The following TSC22D1 variants were observed in gnomAD, a reference collection of about 807,000 sequenced individuals.
The protein encoded by TSC22D1 is TSC22 domain family member 1, also known as TSC22 domain family protein 1.
Under a neutral mutation model 74.2 loss-of-function variants are expected in TSC22D1, and 9 were observed. The ratio of observed to expected loss-of-function variants is 0.12; its 90% CI spans 0.07 to 0.21. TSC22D1 has a LOEUF of 0.21. Ranked by LOEUF, TSC22D1 falls within the 10% of genes least tolerant of loss-of-function variation. TSC22D1 has a pLI of 1.00. For synonymous variants in TSC22D1, 586 were observed against 492.5 expected (o/e 1.19, Z -2.51); for missense variants, 1,427 against 1,304.7 (o/e 1.09, Z -1.44).
At chr13:44,467,185 A>G (rs1377204640) in intron 1 of TSC22D1, among the ~76,000 whole-genome samples, 1 of 152,072 alleles carries the variant, frequency 6.6e-6, no homozygotes. Flanking sequence ...AAACAAAAAA[A>G]AATAGCTGCT....
chr13:44,536,888 C>G (rs756497517), intron 1 of TSC22D1: 4 of 959,790 alleles, frequency 4.2e-6, no homozygotes, highest in Non-Finnish European at 4.9e-6. Flanking sequence ...GTGACCCCCA[C>G]GAAGAATCAC....
rs764675493 is a variant in TSC22D1 at position 44,574,318 on chromosome 13, CCAACCA to C, written c.1751_1756del (p.Val584_Val585del). 1 of 1,614,134 alleles carries C rather than the reference CCAACCA, an allele frequency of 6.2e-7. No homozygotes were observed. Among genetic ancestry groups the C allele is most frequent in the African/African-American group, 1.3e-5 (1 of 74,944 alleles). ...CTGCTGACCTAAAGCTGAAGTTACACCAACCACATTTACAGGCGATGGCTGGATACC... is the reference window on the plus strand; with the variant it reads ...CTGCTGACCTAAAGCTGAAGTTACACCATTTACAGGCGATGGCTGGATACC... On this transcript the variant is annotated inframe_deletion, in exon 1 of 3. Coordinates refer to ENST00000458659, the MANE Select transcript of TSC22D1 (RefSeq NM_183422.4).
At chr13:44,544,101 A>G (rs1252488351) in intron 1 of TSC22D1, among the ~76,000 whole-genome samples, 1 of 152,168 alleles carries the variant, frequency 6.6e-6, no homozygotes, top group Non-Finnish European at 1.5e-5. Flanking sequence ...TCAAAAAATA[A>G]AAAATAAAAA....
chr13:44,560,939 A>G (rs932605552), intron 1 of TSC22D1, among the ~76,000 whole-genome samples: 12 of 152,174 alleles, frequency 7.9e-5, no homozygotes, highest in African/African-American at 2.7e-4. Context: ...ATGCCTCAGA[A>G]TCCCATTTCT....
chr13:44,497,195 T>C (rs1322772560), intron 1 of TSC22D1, among the ~76,000 whole-genome samples: 1 of 152,142 alleles, frequency 6.6e-6, no homozygotes, highest in African/African-American at 2.4e-5. Flanking sequence ...GGTAAATATA[T>C]ACATGAAATA....
intron 1 of TSC22D1, among the ~76,000 whole-genome samples, chr13:44,490,986 G>A (rs1878683645): frequency 6.6e-6 from 1 of 151,064 alleles, no homozygotes; most frequent in African/African-American, 2.4e-5. Context: ...CTACATTAAA[G>A]TTAAGAACTT....
chr13:44,539,383 T>A (rs912376123), intron 1 of TSC22D1: 2 of 985,228 alleles, frequency 2.0e-6, no homozygotes, highest in Non-Finnish European at 1.2e-6. Flanking sequence ...ACTGTATAAA[T>A]TAGACTTCAA....
At chr13:44,499,208 A>T (rs1377099895) in intron 1 of TSC22D1, among the ~76,000 whole-genome samples, 1 of 152,206 alleles carries the variant, frequency 6.6e-6, no homozygotes, top group East Asian at 1.9e-4. Context: ...GGTTGGCATT[A>T]GATAATATGC....
intron 1 of TSC22D1, among the ~76,000 whole-genome samples, chr13:44,439,424 A>G (rs1366871087): frequency 6.6e-6 from 1 of 152,272 alleles, no homozygotes. Context: ...GGCAAAGGAA[A>G]TGGAAAGCTC....
chr13:44,545,616 T>C (rs191588974), intron 1 of TSC22D1, among the ~76,000 whole-genome samples: 263 of 151,328 alleles, frequency 1.7e-3, no homozygotes, highest in Non-Finnish European at 1.5e-3. Context: ...CTTCCTACTG[T>C]ATTTTTTCAT....
chr13:44,494,325 G>A (rs9595138), intron 1 of TSC22D1, among the ~76,000 whole-genome samples: 52,408 of 134,490 alleles, frequency 0.39, 9,548 homozygotes, highest in Admixed American at 0.43. Context: ...GCAGTGAGCC[G>A]AGATCACACC....
intron 1 of TSC22D1, among the ~76,000 whole-genome samples, chr13:44,503,541 T>C (rs1038463889): frequency 6.6e-6 from 1 of 152,202 alleles, no homozygotes; most frequent in Non-Finnish European, 1.5e-5. Context: ...GATTTGTAAA[T>C]CATCCAGTTG....
intron 1 of TSC22D1, among the ~76,000 whole-genome samples, chr13:44,499,036 A>T (rs1243575059): frequency 6.6e-6 from 1 of 152,242 alleles, no homozygotes; most frequent in Non-Finnish European, 1.5e-5. Flanking sequence ...GAAAATTTTT[A>T]AAAACCTTAA....
intron 1 of TSC22D1, chr13:44,537,687 G>C: frequency 1.0e-6 from 1 of 984,578 alleles, no homozygotes; most frequent in African/African-American, 1.7e-5. Flanking sequence ...AATCACTTAT[G>C]GGAATTCAAA....
rs9562559 is a variant in TSC22D1, at chr13:44,576,220, C to G, written c.-146G>C. On this transcript the variant is annotated 5_prime_UTR_variant, in exon 1 of 3. Coordinates refer to ENST00000458659, the MANE Select transcript of TSC22D1 (RefSeq NM_183422.4). ...TTCTCCTCCTCCTCAGCCAAAGGCGCCGGTCGCTCCTGCCTTCGAGAGCGA... is the reference window on the plus strand; with the variant it reads ...TTCTCCTCCTCCTCAGCCAAAGGCGGCGGTCGCTCCTGCCTTCGAGAGCGA... The G allele has an allele frequency of 1.6e-3, 1,889 of 1,213,394 alleles. 35 individuals are homozygous for G. The East Asian group carries it at 0.035, about 22-fold the overall frequency. The allele number at this position is 1,213,394 out of a possible 1,614,324, so 75.2% of individuals were successfully genotyped here.
Position 44,575,185 on chromosome 13 carries a change from C to T in TSC22D1, c.890G>A (p.Ser297Asn). The T allele has an allele frequency of 6.2e-7, 1 of 1,614,064 alleles. No homozygotes were observed. The change falls in exon 1 of 3, where the codon AGT (serine) becomes AAT (asparagine). Residue 297 changes from serine (S) to asparagine (N), a missense_variant. Physicochemically the swap from Ser to Asn is conservative, Grantham distance 46. Around this residue, in one of 3 missense-constraint regions of TSC22D1, gnomAD observed 1,343 missense variants for 1,191.5 expected, o/e 1.13. Transcript: ENST00000458659. ...ASVMTNMRAP[S>N]TTGGIGINSV... The stretch of plus-strand genomic sequence containing the variant: ...ATTTATACCTATTCCACCTGTAGTA[C>T]TTGGAGCACGCATATTAGTCATTAC...
At chr13:44,479,651 T>G (rs1878088643) in intron 1 of TSC22D1, among the ~76,000 whole-genome samples, 1 of 152,128 alleles carries the variant, frequency 6.6e-6, no homozygotes, top group African/African-American at 2.4e-5. Context: ...CAAGAAGAGA[T>G]AGCTTTCAAC....
At position 44,433,314 on chromosome 13, in the gene TSC22D1, A is replaced by T. The variant is rs1874210805; in HGVS notation, c.*1312T>A. ...CCAAGTCACACAGTAGTTAGAATTG[A>T]GCTGGACTCCTCCACTGTCTCTTCT... On this transcript the variant is annotated 3_prime_UTR_variant, in exon 3 of 3. Coordinates refer to ENST00000458659, the MANE Select transcript of TSC22D1 (RefSeq NM_183422.4). 6.6e-6 allele frequency: 1 copy of T among 152,370 alleles called. No homozygotes were observed. Among genetic ancestry groups the T allele is most frequent in the Non-Finnish European group, 1.5e-5 (1 of 68,174 alleles). 9.4% of individuals were successfully genotyped at this position (152,370 alleles called of 1,614,324 possible). A position where few individuals can be genotyped will look rare whatever the true frequency, so the allele number is the denominator to read the frequency against.
chr13:44,500,958 T>C (rs893608008), intron 1 of TSC22D1, among the ~76,000 whole-genome samples: 2 of 152,202 alleles, frequency 1.3e-5, no homozygotes, highest in African/African-American at 2.4e-5. Flanking sequence ...AGTGCTGGGA[T>C]TACAGGCATG....
Sources: allele counts gnomAD v4.1 joint callset (sites outside exome capture counted in the v4.1 genomes callset), GRCh38; gene constraint gnomAD v4.1.1; regional missense constraint gnomAD v4.1.1; transcripts MANE v1.5; gene names NCBI Gene and HGNC (gene_info 2026-07-23, HGNC 2026-07-21).